RHBDD1: variants seen among roughly 807,000 people sequenced by gnomAD.
The protein encoded by RHBDD1 is rhomboid-related protein 4.
In RHBDD1, 38 loss-of-function variants were observed where a neutral mutation model predicts 36.3. That is an observed-to-expected ratio of 1.05 (90% CI 0.81 to 1.37). RHBDD1 has a LOEUF of 1.37. Among genes scored for constraint, RHBDD1 ranks in the 40% most tolerant of loss-of-function variants. The probability of loss-of-function intolerance (pLI) is 0.00; values close to 1 mark genes in which losing one functional copy is unlikely to be tolerated. For synonymous variants in RHBDD1, 151 were observed against 136.5 expected, an observed-to-expected ratio of 1.11 and a Z score of -0.74; for missense variants, 393 against 377.6, an observed-to-expected ratio of 1.04 and a Z score of -0.34.
chr2:226,922,998 GTTA>G (rs1949432663), intron 8 of RHBDD1, among the ~76,000 whole-genome samples: 2 of 152,190 alleles, frequency 1.3e-5, no homozygotes, highest in South Asian at 4.1e-4. Context: ...AATTGTTGTA[GTTA>G]TTATTTTTGA....
At chr2:226,984,318 C>T (rs547564557) in intron 8 of RHBDD1, among the ~76,000 whole-genome samples, 1 of 152,204 alleles carries the variant, frequency 6.6e-6, no homozygotes, top group African/African-American at 2.4e-5. Flanking sequence ...GCTAGAAGTT[C>T]CAGGTACTAA....
At chr2:226,874,741 A>G (rs1242636044) in intron 5 of RHBDD1, among the ~76,000 whole-genome samples, 1 of 152,202 alleles carries the variant, frequency 6.6e-6, no homozygotes, top group Admixed American at 6.5e-5. Context: ...ATATATGGTT[A>G]CATTCATCAG....
chr2:226,835,935 C>T (rs996325443), upstream of RHBDD1: 3 of 152,392 alleles, frequency 2.0e-5, no homozygotes, highest in African/African-American at 7.2e-5. Context: ...CGCGGGCGCG[C>T]ACAACTAAGC....
intron 3 of RHBDD1, among the ~76,000 whole-genome samples, chr2:226,852,009 A>G (rs1358904320): frequency 2.6e-5 from 4 of 152,204 alleles, no homozygotes; most frequent in African/African-American, 9.6e-5. Flanking sequence ...CGGTTGCTGA[A>G]GTCCTCAGTT....
intron 5 of RHBDD1, among the ~76,000 whole-genome samples, chr2:226,891,701 C>A (rs2125500775): frequency 6.6e-6 from 1 of 152,314 alleles, no homozygotes; most frequent in East Asian, 1.9e-4. Context: ...CTGTACCCAA[C>A]CAATAGAATT....
intron 3 of RHBDD1, among the ~76,000 whole-genome samples, chr2:226,857,079 T>C (rs1227503300): frequency 7.0e-6 from 1 of 143,626 alleles, no homozygotes; most frequent in African/African-American, 2.9e-5. Context: ...AATAATTTTC[T>C]GTAGAAAGTG....
At chr2:226,976,719 G>A (rs961649857) in intron 8 of RHBDD1, among the ~76,000 whole-genome samples, 10 of 152,198 alleles carry the variant, frequency 6.6e-5, no homozygotes, top group African/African-American at 2.2e-4. Context: ...CGGGGCCTGG[G>A]TGTGGCTTCT....
At chr2:226,838,881 C>CCT (rs1941303238) in intron 2 of RHBDD1, among the ~76,000 whole-genome samples, 1 of 152,128 alleles carries the variant, frequency 6.6e-6, no homozygotes, top group South Asian at 2.1e-4. Flanking sequence ...TGGATGTTTA[C>CCT]AGCAAGGTAA....
intron 7 of RHBDD1, among the ~76,000 whole-genome samples, chr2:226,912,240 A>C (rs899131039): frequency 3.9e-5 from 6 of 152,172 alleles, no homozygotes. Context: ...ATTGGAACCC[A>C]CATACACTGC....
chr2:226,954,112 G>A (rs563930612), intron 8 of RHBDD1, among the ~76,000 whole-genome samples: 1 of 152,142 alleles, frequency 6.6e-6, no homozygotes, highest in African/African-American at 2.4e-5. Context: ...TGTGCTGAGA[G>A]GATGGCAAAT....
intron 3 of RHBDD1, among the ~76,000 whole-genome samples, chr2:226,861,741 C>T (rs190441018): frequency 7.7e-4 from 117 of 152,198 alleles, no homozygotes; most frequent in Non-Finnish European, 1.4e-3. Context: ...TGTGGGCACA[C>T]GTGTGCACAC....
intron 4 of RHBDD1, among the ~76,000 whole-genome samples, chr2:226,866,758 T>C (rs924485229): frequency 1.4e-4 from 22 of 152,346 alleles, no homozygotes; most frequent in African/African-American, 5.3e-4. Context: ...TGTATCCTTA[T>C]GCATCTAATT....
At chr2:226,983,100 C>G (rs955410580) in intron 8 of RHBDD1, among the ~76,000 whole-genome samples, 1 of 152,190 alleles carries the variant, frequency 6.6e-6, no homozygotes, top group Non-Finnish European at 1.5e-5. Flanking sequence ...AACATAACCA[C>G]AGAACACACT....
At chr2:226,881,184 T>C (rs1039403988) in intron 5 of RHBDD1, among the ~76,000 whole-genome samples, 2 of 152,060 alleles carry the variant, frequency 1.3e-5, no homozygotes, top group Non-Finnish European at 2.9e-5. Flanking sequence ...GAGAACAGCA[T>C]GGGGGGAAAC....
Position 226,914,269 on chromosome 2 carries a change from CA to C in RHBDD1, c.775del (p.Arg259GlyfsTer10). Reference protein sequence around the residue: ...GRPDHYEEAPRNYDTYTAGLS... With the variant: ...GRPDHYEEAPXNYDTYTAGLS... ...GGCCAGATCACTATGAAGAAGCACC[CA>C]GGAACTATGACACGTACACAGCAGG... On this transcript the variant is annotated frameshift_variant, in exon 8 of 9. Coordinates refer to ENST00000392062, the MANE Select transcript of RHBDD1 (RefSeq NM_001167608.3). LOFTEE classifies it high-confidence loss of function. 1 of 1,613,820 alleles carries C rather than the reference CA, an allele frequency of 6.2e-7. No individual in the cohort carries two copies. Among genetic ancestry groups the C allele is most frequent in the Non-Finnish European group, 8.5e-7 (1 of 1,179,802 alleles).
At chr2:226,819,640 TAA>T in the RHBDD1 span, among the ~76,000 whole-genome samples, 1 of 152,106 alleles carries the variant, frequency 6.6e-6, no homozygotes, top group African/African-American at 2.4e-5. Flanking sequence ...ACTGCTCTTT[TAA>T]AAAAAGTCTC....
chr2:226,907,494 C>T (rs1948152952), intron 6 of RHBDD1, among the ~76,000 whole-genome samples: 1 of 152,132 alleles, frequency 6.6e-6, no homozygotes, highest in African/African-American at 2.4e-5. Context: ...CAATGCGATT[C>T]TCATTTTGAC....
At chr2:226,915,048 G>A (rs888700925) in intron 8 of RHBDD1, among the ~76,000 whole-genome samples, 1 of 152,046 alleles carries the variant, frequency 6.6e-6, no homozygotes, top group Non-Finnish European at 1.5e-5. Flanking sequence ...ACACTGAGTG[G>A]TAAAAGTTGG....
chr2:226,995,787 C>T lies in RHBDD1; in HGVS notation c.*265C>T, dbSNP rs1396493776. On this transcript the variant is annotated 3_prime_UTR_variant, in exon 9 of 9. Coordinates refer to ENST00000392062, the MANE Select transcript of RHBDD1 (RefSeq NM_001167608.3). ...GAGACCAGTTTCCACGCTCCCATCT[C>T]TCACTGCTGACTCAGCGATGCCTCT... is the stretch of plus-strand genomic sequence containing the variant. 3.4e-5 allele frequency: 16 copies of T among 471,070 alleles called. No individual in the cohort carries two copies. The highest frequency in any genetic ancestry group is 3.7e-5 in the Non-Finnish European group (10 of 267,486). The allele number at this position is 471,070 out of a possible 1,614,324, so 29.2% of individuals were successfully genotyped here. A position where few individuals can be genotyped will look rare whatever the true frequency, so the allele number is the denominator to read the frequency against.
Sources: gnomAD v4.1 joint callset for allele counts (sites outside exome capture counted in the v4.1 genomes callset) on GRCh38, gnomAD v4.1.1 for gene constraint, MANE v1.5 for transcripts, NCBI Gene and HGNC (gene_info 2026-07-23, HGNC 2026-07-21) for gene names.